The following EIF4G1 variants were observed in gnomAD, a reference collection of about 807,000 sequenced individuals.
EIF4G1 encodes eukaryotic translation initiation factor 4 gamma 1, also known as EIF4-gamma.
A neutral mutation model predicts 187.8 loss-of-function variants in EIF4G1; 4 were observed. That is an observed-to-expected ratio of 0.02 (90% CI 0.01 to 0.05). The LOEUF is 0.05. Among genes scored for constraint, EIF4G1 ranks in the 10% least tolerant of loss-of-function variants. EIF4G1 has a pLI of 1.00. For synonymous variants in EIF4G1, 844 were observed against 781.4 expected, an observed-to-expected ratio of 1.08 and a Z score of -1.34; for missense variants, 1,647 against 2,081.1, an observed-to-expected ratio of 0.79 and a Z score of 4.06.
At position 184,325,252 on chromosome 3, in the gene EIF4G1, G is replaced by A. The variant is rs1724665754; in HGVS notation, c.2857-17G>A. ...GGACATGAGAAGTTCCTGGTCTGAT[G>A]CCTTTCTCCTTCCTAGCCCCGAATG... is the stretch of plus-strand genomic sequence containing the variant. On this transcript the variant is annotated splice_polypyrimidine_tract_variant and intron_variant, in intron 18 of 32. Coordinates refer to ENST00000346169, the MANE Select transcript of EIF4G1 (RefSeq NM_198241.3). The surrounding 1 kb of genome is among the most constrained non-coding windows in gnomAD (Gnocchi z 5.2). 6.2e-7 allele frequency: 1 copy of A among 1,613,652 alleles called. No homozygotes were observed.
In EIF4G1 at chr3:184,335,205, CTTT is replaced by C; in HGVS notation, c.*303_*305del. The C allele has an allele frequency of 5.2e-6, 2 of 382,716 alleles. No homozygotes were observed. Among genetic ancestry groups the C allele is most frequent in the Non-Finnish European group, 9.7e-6 (2 of 206,904 alleles). The allele number at this position is 382,716 out of a possible 1,614,324, so 23.7% of individuals were successfully genotyped here. Reference sequence around the variant, plus strand: ...GGCACCAACGCCTGCCCCTGGGGTCCTTTTTTTTATTTTCTGAAAATCACTCTC... The same window carrying C: ...GGCACCAACGCCTGCCCCTGGGGTCCTTTTTATTTTCTGAAAATCACTCTC... On this transcript the variant is annotated 3_prime_UTR_variant, in exon 33 of 33. Coordinates refer to ENST00000346169, the MANE Select transcript of EIF4G1 (RefSeq NM_198241.3).
chr3:184,316,831 A>G (rs1432426830), intron 4 of EIF4G1: 4 of 1,343,164 alleles, frequency 3.0e-6, no homozygotes, highest in Non-Finnish European at 4.2e-6. Flanking sequence ...TCTTCAGGGT[A>G]GTGACTTGTT....
intron 9 of EIF4G1, 67 bp downstream of exon 9, chr3:184,321,060 G>C: frequency 6.3e-7 from 1 of 1,578,550 alleles, no homozygotes; most frequent in Non-Finnish European, 8.6e-7. Context: ...TGCTGAGGTG[G>C]TGGAGTGACT....
intron 9 of EIF4G1, 41 bp from the exon 10 acceptor site, chr3:184,321,241 C>T: frequency 6.2e-7 from 1 of 1,611,756 alleles, no homozygotes; most frequent in South Asian, 1.1e-5. Flanking sequence ...AGCAGTTAAG[C>T]ACTTGCCTTT....
chr3:184,334,761 C>G lies in EIF4G1; in HGVS notation c.4653C>G (p.Asp1551Glu). The change falls in exon 33 of 33, where the codon GAC becomes GAG. Residue 1551 changes from aspartate to glutamate, a missense_variant. Around this residue, in one of 11 missense-constraint regions of EIF4G1, gnomAD observed 543 missense variants for 638.0 expected, o/e 0.85. Transcript: ENST00000346169. This position sits in a 1 kb window ranked among gnomAD's most constrained non-coding sequence, Gnocchi z 5.8. Reference sequence around the variant, plus strand: ...GGATGTTCTTTGACGCACTGTATGACGAGGACGTGGTGAAGGAGGATGCCT... The same window carrying G: ...GGATGTTCTTTGACGCACTGTATGAGGAGGACGTGGTGAAGGAGGATGCCT... ...LLRMFFDALYDEDVVKEDAFY... is the reference protein window; with the variant it reads ...LLRMFFDALYEEDVVKEDAFY... The G allele has an allele frequency of 6.2e-7, 1 of 1,614,138 alleles. No homozygotes were observed. Among genetic ancestry groups the G allele is most frequent in the Non-Finnish European group, 8.5e-7 (1 of 1,180,040 alleles).
rs1402496097 is a variant in EIF4G1 at position 184,322,721 on chromosome 3, T to C, written c.1786T>C (p.Tyr596His). The C allele has an allele frequency of 1.2e-6, 2 of 1,614,104 alleles. No individual in the cohort carries two copies. Among genetic ancestry groups the C allele is most frequent in the Non-Finnish European group, 1.7e-6 (2 of 1,180,020 alleles). ...CCAGCCCGGGGAACAGAAGTATGAA[T>C]ATAAGTCAGGTATGCTGAAGAAAGG... ...NIQPGEQKYEYKSDQWKPLNL... is the reference protein window; with the variant it reads ...NIQPGEQKYEHKSDQWKPLNL... Residue 596 changes from tyrosine (Y) to histidine (H), a missense_variant, in exon 12 of 33, where the codon TAT becomes CAT. Around this residue, in one of 11 missense-constraint regions of EIF4G1, gnomAD observed 522 missense variants for 485.2 expected, o/e 1.08. Transcript: ENST00000346169.
At position 184,331,775 on chromosome 3, in the gene EIF4G1, C is replaced by G; in HGVS notation, c.4443C>G (p.Ala1481=). ...QQIVSNTLVR[A]LMTAVCYSAI... ...TAGTATCCAACACGTTAGTTCGAGC[C>G]CTCATGACGGCTGTCTGCTATTCTG... The change falls in exon 31 of 33, where the codon GCC becomes GCG. Residue 1481 remains alanine (A), a synonymous_variant. Transcript: ENST00000346169. The G allele has an allele frequency of 6.2e-7, 1 of 1,614,164 alleles. No homozygotes were observed. The highest frequency in any genetic ancestry group is 1.3e-5 in the African/African-American group (1 of 75,032).
At chr3:184,318,243 G>C (rs1723128293) in intron 6 of EIF4G1, among the ~76,000 whole-genome samples, 1 of 152,176 alleles carries the variant, frequency 6.6e-6, no homozygotes, top group Admixed American at 6.5e-5. Flanking sequence ...TTTTGAGTAT[G>C]AATCTCTCAT....
chr3:184,319,919 A>G, intron 7 of EIF4G1, 118 bp downstream of exon 7: 2 of 778,034 alleles, frequency 2.6e-6, no homozygotes, highest in Admixed American at 2.0e-5. Flanking sequence ...GAGAGTGGGC[A>G]GAGAATGGTG....
At position 184,335,197 on chromosome 3, in the gene EIF4G1, CT is replaced by C. The variant is rs1174141068; in HGVS notation, c.*290del. On this transcript the variant is annotated 3_prime_UTR_variant, in exon 33 of 33. Coordinates refer to ENST00000346169, the MANE Select transcript of EIF4G1 (RefSeq NM_198241.3). ...TGGGGAGGGGCACCAACGCCTGCCC[CT>C]GGGGTCCTTTTTTTTATTTTCTGAA... 3 of 412,534 alleles carry C rather than the reference CT, an allele frequency of 7.3e-6. No individual in the cohort carries two copies. Among genetic ancestry groups the C allele is most frequent in the Non-Finnish European group, 1.3e-5 (3 of 225,638 alleles). The allele number at this position is 412,534 out of a possible 1,614,324, so 25.6% of individuals were successfully genotyped here.
intron 27 of EIF4G1, 38 bp from the exon 28 acceptor site, chr3:184,328,869 CTG>C (rs1323282891): frequency 2.2e-5 from 36 of 1,613,840 alleles, no homozygotes; most frequent in Non-Finnish European, 3.1e-5. Flanking sequence ...GGTGAGAGAA[CTG>C]TGGAGGCTGT....
intron 27 of EIF4G1, 55 bp downstream of exon 27, chr3:184,328,811 G>C: frequency 6.2e-7 from 1 of 1,614,184 alleles, no homozygotes; most frequent in Non-Finnish European, 8.5e-7. Context: ...AAAGGTGGTA[G>C]GGAAATGGCT....
chr3:184,331,626 C>G lies in EIF4G1; in HGVS notation c.4395+20C>G. 2.2e-6 allele frequency: 3 copies of G among 1,376,920 alleles called. No individual in the cohort carries two copies. Among genetic ancestry groups the G allele is most frequent in the East Asian group, 4.7e-5 (2 of 42,642 alleles). The allele number at this position is 1,376,920 out of a possible 1,614,324, so 85.3% of individuals were successfully genotyped here. ...ATAGAGGTAGGTTTCTCCTGGATAT[C>G]GATAAAGGAAAGGTAGTTCTTAGGG... On this transcript the variant is annotated intron_variant, in intron 30 of 32. Transcript: ENST00000346169.
Position 184,324,306 on chromosome 3 carries a change from G to A in EIF4G1, c.2578G>A (p.Val860Ile). 1 of 1,614,172 alleles carries A rather than the reference G, an allele frequency of 6.2e-7. No individual in the cohort carries two copies. Among genetic ancestry groups the A allele is most frequent in the East Asian group, 2.2e-5 (1 of 44,888 alleles). The change falls in exon 17 of 33, where the codon GTT becomes ATT. Residue 860 changes from valine (V) to isoleucine (I), a missense_variant. Val to Ile is a conservative substitution (Grantham distance 29). Transcript: ENST00000346169. The part of the protein sequence containing the change: ...EFEKDKDDDE[V>I]FEKKQKEMDE... ...TGAGAAAGACAAAGATGATGATGAG[G>A]TTTTTGAGAAGAAGCAAAAAGAGAT... is the stretch of plus-strand genomic sequence containing the variant.
chr3:184,317,613 C>T, intron 5 of EIF4G1, 104 bp from the exon 6 acceptor site: 2 of 1,523,776 alleles, frequency 1.3e-6, no homozygotes, highest in Non-Finnish European at 9.1e-7. Flanking sequence ...CTGGTCATTG[C>T]CCAGAGTTGG....
chr3:184,329,045 T>G (rs1324874733), intron 28 of EIF4G1, 55 bp downstream of exon 28: 3 of 1,600,874 alleles, frequency 1.9e-6, no homozygotes, highest in Non-Finnish European at 2.6e-6. Flanking sequence ...TTTGGCTGTT[T>G]GCTGTGGCCC....
chr3:184,315,648 C>T (rs1011058355), intron 2 of EIF4G1, 103 bp downstream of exon 2: 1 of 807,634 alleles, frequency 1.2e-6, no homozygotes, highest in Non-Finnish European at 2.2e-6. Flanking sequence ...GCTTCACCCT[C>T]TTGGCATCTC....
At position 184,334,984 on chromosome 3, in the gene EIF4G1, C is replaced by T. The variant is rs917724402; in HGVS notation, c.*76C>T. On this transcript the variant is annotated 3_prime_UTR_variant, in exon 33 of 33. Transcript: ENST00000346169. The surrounding 1 kb of genome is among the most constrained non-coding windows in gnomAD (Gnocchi z 5.8). ...GCTAGCCGCCTGGACTGCAGGGGGG[C>T]GGCAGCAGCGGCGGTGGCAGTGGGT... 1.5e-5 allele frequency: 23 copies of T among 1,581,070 alleles called. No homozygotes were observed. In the South Asian group the frequency reaches 1.6e-4, roughly 11 times the overall value.
At chr3:184,329,673 G>A (rs1725652488) in intron 28 of EIF4G1, among the ~76,000 whole-genome samples, 1 of 152,292 alleles carries the variant, frequency 6.6e-6, no homozygotes, top group Admixed American at 6.5e-5. Context: ...CAACAGTAAA[G>A]CGTGACATAA....
Sources: gnomAD v4.1 joint callset for allele counts (sites outside exome capture counted in the v4.1 genomes callset) on GRCh38, gnomAD v4.1.1 for gene constraint, gnomAD v4.1.1 regional missense constraint, Gnocchi (gnomAD v3.1) non-coding constraint, MANE v1.5 for transcripts, NCBI Gene and HGNC (gene_info 2026-07-23, HGNC 2026-07-21) for gene names.